Variants in SSPN observed in about 807,000 individuals in gnomAD.
The protein encoded by SSPN is sarcospan.
In SSPN, 15 loss-of-function variants were observed where a neutral mutation model predicts 19.1. That is an observed-to-expected ratio of 0.78 (90% confidence interval 0.52 to 1.21). The LOEUF (loss-of-function observed/expected upper bound fraction) is 1.21, where lower values mean the gene tolerates loss of function less well. SSPN is among the 50% of genes most tolerant of loss of function. The pLI is 0.00. For synonymous variants in SSPN, 147 were observed against 140.3 expected (o/e 1.05, Z -0.34); for missense variants, 291 against 314.0 (o/e 0.93, Z 0.55).
chr12:26,234,279 A>G lies in SSPN; in HGVS notation c.*3203A>G, dbSNP rs182448830. The G allele has an allele frequency of 6.6e-5, 10 of 152,356 alleles. No homozygotes were observed. In the East Asian group the frequency reaches 1.9e-3, roughly 29 times the overall value. 9.4% of individuals were successfully genotyped at this position (152,356 alleles called of 1,614,324 possible). A position where few individuals can be genotyped will look rare whatever the true frequency, so the allele number is the denominator to read the frequency against. On this transcript the variant is annotated 3_prime_UTR_variant, in exon 3 of 3. Coordinates refer to ENST00000242729, the MANE Select transcript of SSPN (RefSeq NM_005086.5). ...TTTAAAGACAATCAGAAATGAACTT[A>G]AAAGCTGCCCTGCAAAACCAATCCT...
At chr12:26,170,731 A>C (rs140736018) in intron 1 of SSPN, among the ~76,000 whole-genome samples, 1 of 152,232 alleles carries the variant, frequency 6.6e-6, no homozygotes, top group Non-Finnish European at 1.5e-5. Flanking sequence ...AATTCATTGA[A>C]TAAATACTTA....
intron 1 of SSPN, among the ~76,000 whole-genome samples, chr12:26,133,737 G>T (rs77676870): frequency 0.013 from 1,951 of 152,336 alleles, 29 homozygotes; most frequent in African/African-American, 0.032. Context: ...GCTGCCAGGG[G>T]AGAAATATGG....
intron 1 of SSPN, among the ~76,000 whole-genome samples, chr12:26,137,634 A>G (rs1381032958): frequency 7.1e-5 from 3 of 42,176 alleles, no homozygotes; most frequent in Admixed American, 4.6e-4. Context: ...GTGTGTGTGT[A>G]TGTATATATA....
At chr12:26,143,396 G>C (rs1325546685) in intron 1 of SSPN, among the ~76,000 whole-genome samples, 2 of 152,254 alleles carry the variant, frequency 1.3e-5, no homozygotes, top group Middle Eastern at 3.4e-3. Context: ...GTAACCTATG[G>C]CTGGGCATCA....
intron 1 of SSPN, among the ~76,000 whole-genome samples, chr12:26,199,187 G>A (rs1944856478): frequency 6.6e-6 from 1 of 152,146 alleles, no homozygotes; most frequent in Non-Finnish European, 1.5e-5. Flanking sequence ...CCAATGCCTG[G>A]GTGACTTGAT....
chr12:26,180,392 G>A (rs1234455034), intron 1 of SSPN: 3 of 152,088 alleles, frequency 2.0e-5, no homozygotes, highest in Non-Finnish European at 4.4e-5. Flanking sequence ...GACACCTTGA[G>A]ACATTAGGTG....
intron 2 of SSPN, among the ~76,000 whole-genome samples, chr12:26,230,484 A>G (rs1246666136): frequency 6.6e-6 from 1 of 152,178 alleles, no homozygotes; most frequent in African/African-American, 2.4e-5. Context: ...AAAGGGCCCA[A>G]CATCTGGATG....
chr12:26,152,332 A>C (rs4963960), intron 1 of SSPN, among the ~76,000 whole-genome samples: 5,614 of 152,330 alleles, frequency 0.037, 136 homozygotes, highest in South Asian at 0.067. Context: ...ATGTAGTATA[A>C]GTAAAACAAT....
intron 1 of SSPN, among the ~76,000 whole-genome samples, chr12:26,150,547 T>C (rs1303793574): frequency 4.0e-5 from 6 of 150,726 alleles, no homozygotes; most frequent in African/African-American, 1.5e-4. Flanking sequence ...AAGTATGCTT[T>C]TAAAACAGAA....
chr12:26,175,767 A>T (rs1335140222), intron 1 of SSPN, among the ~76,000 whole-genome samples: 1 of 152,222 alleles, frequency 6.6e-6, no homozygotes, highest in Admixed American at 6.5e-5. Flanking sequence ...AAAATAAAAA[A>T]AATTACAAAA....
intron 1 of SSPN, among the ~76,000 whole-genome samples, chr12:26,199,057 A>C (rs374189140): frequency 6.6e-6 from 1 of 152,148 alleles, no homozygotes; most frequent in Non-Finnish European, 1.5e-5. Flanking sequence ...GCCTCTTCTC[A>C]TGTGGTCATC....
intron 1 of SSPN, chr12:26,125,824 G>T (rs1048940501): frequency 6.6e-6 from 1 of 152,170 alleles, no homozygotes; most frequent in Admixed American, 6.5e-5. Context: ...TGGCACGAGA[G>T]GGGGTGGCAC....
intron 1 of SSPN, among the ~76,000 whole-genome samples, chr12:26,221,507 G>C (rs112417798): frequency 6.6e-6 from 1 of 152,170 alleles, no homozygotes; most frequent in African/African-American, 2.4e-5. Flanking sequence ...ATAAAATTCT[G>C]TGAATTGAAT....
chr12:26,164,584 T>C (rs1050286781), intron 1 of SSPN, among the ~76,000 whole-genome samples: 1 of 152,348 alleles, frequency 6.6e-6, no homozygotes, highest in South Asian at 2.1e-4. Context: ...CAAAATATCC[T>C]AAATTTATAT....
chr12:26,175,689 T>G (rs1341090031), intron 1 of SSPN, among the ~76,000 whole-genome samples: 1 of 152,134 alleles, frequency 6.6e-6, no homozygotes, highest in Non-Finnish European at 1.5e-5. Context: ...AGCAGTTCAC[T>G]TCAACTGTGA....
intron 1 of SSPN, chr12:26,125,941 C>T (rs898343751): frequency 3.9e-5 from 6 of 152,368 alleles, no homozygotes; most frequent in Non-Finnish European, 5.9e-5. Flanking sequence ...ATCCCCCCGC[C>T]CCCCCGCGCG....
chr12:26,170,314 T>A (rs891777551), intron 1 of SSPN, among the ~76,000 whole-genome samples: 1 of 152,230 alleles, frequency 6.6e-6, no homozygotes, highest in South Asian at 2.1e-4. Flanking sequence ...TTATTCTGTT[T>A]CTCAGTGTAA....
intron 1 of SSPN, among the ~76,000 whole-genome samples, chr12:26,208,588 T>C (rs1019989407): frequency 2.6e-5 from 4 of 152,110 alleles, no homozygotes; most frequent in Non-Finnish European, 5.9e-5. Context: ...CATATATTTA[T>C]ATTTATCAGT....
chr12:26,182,937 A>AT (rs1049639508), intron 1 of SSPN, among the ~76,000 whole-genome samples: 9 of 151,266 alleles, frequency 5.9e-5, no homozygotes, highest in South Asian at 2.1e-4. Flanking sequence ...TAATTTTCGT[A>AT]TTTTTTTTAG....
Sources: gnomAD v4.1 joint callset for allele counts (sites outside exome capture counted in the v4.1 genomes callset) on GRCh38, gnomAD v4.1.1 for gene constraint, MANE v1.5 for transcripts, NCBI Gene and HGNC (gene_info 2026-07-23, HGNC 2026-07-21) for gene names.